Variants in SHOC2 observed in about 807,000 individuals in gnomAD.
SHOC2 encodes the protein SHOC2 leucine rich repeat scaffold protein, also known as leucine-rich repeat protein SHOC-2.
SHOC2 carries 4 observed loss-of-function variants against 50.2 expected under a neutral mutation model. That is an observed-to-expected ratio of 0.08 (90% confidence interval 0.04 to 0.18). The LOEUF is 0.18. Among genes scored for constraint, SHOC2 ranks in the 10% least tolerant of loss-of-function variants. The probability of loss-of-function intolerance (pLI) is 1.00; values close to 1 mark genes in which losing one functional copy is unlikely to be tolerated. For missense variants in SHOC2, 388 were observed against 669.6 expected (o/e 0.58, Z 4.64); for synonymous variants, 218 against 244.5 (o/e 0.89, Z 1.01).
intron 1 of SHOC2, among the ~76,000 whole-genome samples, chr10:110,961,928 C>T (rs990100074): frequency 1.3e-5 from 2 of 151,840 alleles, no homozygotes; most frequent in Non-Finnish European, 2.9e-5. Flanking sequence ...ATGTGTTTCC[C>T]GAACTTGATA....
chr10:110,962,647 A>C (rs2134118608), intron 1 of SHOC2, among the ~76,000 whole-genome samples: 1 of 152,252 alleles, frequency 6.6e-6, no homozygotes, highest in African/African-American at 2.4e-5. Context: ...ACATTTGACC[A>C]TTTGCTTCAG....
At chr10:110,919,544 A>G (rs1004095625), upstream of SHOC2, 76 of 9,296 alleles carry the variant, frequency 8.2e-3, no homozygotes, top group African/African-American at 0.027. Context: ...GGGCGGGGCG[A>G]GTGGGGGAGG....
chr10:110,951,322 T>C, intron 1 of SHOC2, among the ~76,000 whole-genome samples: 1 of 152,130 alleles, frequency 6.6e-6, no homozygotes, highest in East Asian at 1.9e-4. Context: ...AAAACCACAA[T>C]GAGATGTCAC....
chr10:111,001,608 G>T (rs11195399), intron 4 of SHOC2, among the ~76,000 whole-genome samples: 152,326 of 152,368 alleles, frequency 1, 76,142 homozygotes, highest in Non-Finnish European at 1. Flanking sequence ...AAAAGAATTG[G>T]GGACTTATGG....
chr10:110,930,050 C>G (rs1163623085), intron 1 of SHOC2, among the ~76,000 whole-genome samples: 2 of 150,784 alleles, frequency 1.3e-5, no homozygotes, highest in African/African-American at 2.5e-5. Context: ...TTCTTTTGAT[C>G]TTATATGAGG....
At chr10:110,929,739 C>T (rs1390138965) in intron 1 of SHOC2, among the ~76,000 whole-genome samples, 2 of 152,204 alleles carry the variant, frequency 1.3e-5, no homozygotes, top group East Asian at 3.8e-4. Context: ...GTGACCTCAT[C>T]TAAACCTAAG....
chr10:110,936,608 A>ATTTTTTTTTGGGCTCAGACCAG, intron 1 of SHOC2: 1 of 286,298 alleles, frequency 3.5e-6, no homozygotes, highest in South Asian at 4.6e-5. Flanking sequence ...TTTTTTTAAC[A>ATTTTTTTTTGGGCTCAGACCAG]GTCTTTATTG....
intron 2 of SHOC2, among the ~76,000 whole-genome samples, chr10:110,979,871 C>T (rs999417085): frequency 6.3e-5 from 5 of 79,304 alleles, no homozygotes; most frequent in Non-Finnish European, 1.3e-4. Context: ...TCAGTATCTT[C>T]GGATCAGAGA....
chr10:110,925,069 T>TC (rs1846732054), intron 1 of SHOC2, among the ~76,000 whole-genome samples: 1 of 25,714 alleles, frequency 3.9e-5, no homozygotes, highest in African/African-American at 1.1e-4. Context: ...AGACTCTGTC[T>TC]CAAAAAAAAA....
chr10:110,960,568 G>T (rs1048215709), intron 1 of SHOC2, among the ~76,000 whole-genome samples: 9 of 152,182 alleles, frequency 5.9e-5, no homozygotes, highest in African/African-American at 2.2e-4. Context: ...ATTGGGACTA[G>T]AGGAACTATT....
chr10:110,936,680 A>C lies in SHOC2; in HGVS notation c.-235+17023A>C, dbSNP rs746848680. 2.0e-5 allele frequency: 19 copies of C among 949,236 alleles called. No individual in the cohort carries two copies. The African/African-American group carries it at 3.3e-4, about 16-fold the overall frequency. 58.8% of individuals were successfully genotyped at this position (949,236 alleles called of 1,614,324 possible). The stretch of plus-strand genomic sequence containing the variant: ...TGTGTATTTGTCAGTTTTCTTCTCC[A>C]TGTTCCTCTTGGCCTGTTTCCGTAG... On this transcript the variant is annotated intron_variant, in intron 1 of 8. Coordinates refer to ENST00000369452, the MANE Select transcript of SHOC2 (RefSeq NM_007373.4).
chr10:110,952,737 C>G (rs1847381106), intron 1 of SHOC2, among the ~76,000 whole-genome samples: 1 of 152,070 alleles, frequency 6.6e-6, no homozygotes, highest in Admixed American at 6.6e-5. Context: ...GCAAAAGGCC[C>G]TGGTGTGTGT....
chr10:111,009,384 A>G lies in SHOC2; in HGVS notation c.1421A>G (p.Gln474Arg). The G allele has an allele frequency of 6.2e-7, 1 of 1,607,906 alleles. No individual in the cohort carries two copies. The highest frequency in any genetic ancestry group is 8.5e-7 in the Non-Finnish European group (1 of 1,174,782). Residue 474 changes from glutamine to arginine, a missense_variant and splice_region_variant, in exon 7 of 9, where the codon CAG becomes CGG. This residue lies in a region of SHOC2 where 130 missense variants were observed against 208.6 expected (regional missense o/e 0.62). Transcript: ENST00000369452. The stretch of plus-strand genomic sequence containing the variant: ...GAAATTGCATATCTTAAGGATTTAC[A>G]GGTAAACATTATGCTGATTTTGTAG... ...PNEIAYLKDL[Q>R]KLVLTNNQLT...
chr10:111,009,938 T>TAG, intron 8 of SHOC2, 108 bp downstream of exon 8: 1 of 735,820 alleles, frequency 1.4e-6, no homozygotes, highest in South Asian at 1.6e-5. Flanking sequence ...ACTGAGGTTA[T>TAG]ATCAGGCTTA....
At chr10:110,999,760 G>GAAAAAAAAA (rs1848335373) in intron 3 of SHOC2, among the ~76,000 whole-genome samples, 1 of 87,802 alleles carries the variant, frequency 1.1e-5, no homozygotes, top group African/African-American at 3.8e-5. Context: ...AAAAAAAAAA[G>GAAAAAAAAA]AAAGAAAAGA....
intron 1 of SHOC2, among the ~76,000 whole-genome samples, chr10:110,953,723 C>T (rs963081124): frequency 4.0e-5 from 6 of 151,542 alleles, no homozygotes; most frequent in Middle Eastern, 6.8e-3. Flanking sequence ...TACACACACA[C>T]ACACGTGTAT....
rs1293041409 is a variant in SHOC2 at position 110,982,422 on chromosome 10, A to G, written c.704-3206A>G. ...TATTTCCAGTTCTAGATCCCTGAGG[A>G]ATCGCCACACTGACTTCCACAATGG... On this transcript the variant is annotated intron_variant, in intron 2 of 8. Transcript: ENST00000369452. 7.9e-5 allele frequency among the ~76,000 whole-genome samples: 12 copies of G among 151,938 alleles called. No homozygotes were observed. The East Asian group carries it at 2.3e-3, about 29-fold the overall frequency.
At chr10:110,942,314 AC>A (rs959395031) in intron 1 of SHOC2, among the ~76,000 whole-genome samples, 2 of 152,126 alleles carry the variant, frequency 1.3e-5, no homozygotes, top group African/African-American at 4.8e-5. Context: ...TTAGGGTCTA[AC>A]TTTATCACTG....
intron 2 of SHOC2, among the ~76,000 whole-genome samples, chr10:110,982,611 G>A (rs1206130058): frequency 3.3e-5 from 5 of 151,628 alleles, no homozygotes; most frequent in African/African-American, 9.7e-5. Context: ...GGCCAGTGAT[G>A]ATGAGCATTT....
Sources: allele counts gnomAD v4.1 joint callset (sites outside exome capture counted in the v4.1 genomes callset), GRCh38; gene constraint gnomAD v4.1.1; regional missense constraint gnomAD v4.1.1; transcripts MANE v1.5; gene names NCBI Gene and HGNC (gene_info 2026-07-23, HGNC 2026-07-21).